Variants in CHODL observed in about 807,000 individuals in gnomAD.
CHODL encodes the protein chondrolectin, also known as transmembrane protein MT75.
Under a neutral mutation model 34.5 loss-of-function variants are expected in CHODL, and 29 were observed. The observed-to-expected ratio is 0.84, with a 90% confidence interval of 0.63 to 1.15. The LOEUF (loss-of-function observed/expected upper bound fraction) is 1.15. Ranked by LOEUF, CHODL falls within the 50% of genes most tolerant of loss-of-function variation. The pLI, the probability that CHODL is intolerant of heterozygous loss-of-function variation, is 0.00. For synonymous variants in CHODL, 125 were observed against 116.1 expected, an observed-to-expected ratio of 1.08 and a Z score of -0.49; for missense variants, 332 against 332.5, an observed-to-expected ratio of 1.00 and a Z score of 0.01.
At chr21:17,996,023 A>G (rs1382456453) in intron 1 of CHODL, among the ~76,000 whole-genome samples, 1 of 151,322 alleles carries the variant, frequency 6.6e-6, no homozygotes, top group Admixed American at 6.6e-5. Flanking sequence ...ATGACTTGCT[A>G]TTTCTTGTAT....
intron 2 of CHODL, among the ~76,000 whole-genome samples, chr21:18,189,824 G>A (rs552308597): frequency 3.3e-5 from 5 of 151,822 alleles, no homozygotes; most frequent in East Asian, 1.9e-4. Context: ...TAGTAGAGAC[G>A]GGGTTTCACT....
intron 2 of CHODL, among the ~76,000 whole-genome samples, chr21:18,036,983 C>T (rs2064319025): frequency 1.3e-5 from 2 of 151,786 alleles, no homozygotes; most frequent in Admixed American, 6.6e-5. Flanking sequence ...ACCTGAAAAC[C>T]AAAACAATTT....
chr21:18,003,060 TGTG>T (rs1481216885), intron 1 of CHODL, among the ~76,000 whole-genome samples: 1 of 146,332 alleles, frequency 6.8e-6, no homozygotes, highest in African/African-American at 2.6e-5. Context: ...GGGGGCGGAG[TGTG>T]CAGTGAGCCG....
intron 2 of CHODL, among the ~76,000 whole-genome samples, chr21:18,157,171 G>T (rs2073044465): frequency 1.3e-5 from 2 of 152,156 alleles, no homozygotes; most frequent in Non-Finnish European, 2.9e-5. Flanking sequence ...CTCTCAGTTG[G>T]AGGAGTGCCA....
intron 1 of CHODL, chr21:18,027,792 A>G (rs537158959): frequency 6.6e-6 from 1 of 152,528 alleles, no homozygotes; most frequent in Non-Finnish European, 1.5e-5. Flanking sequence ...ATGAGAGGAG[A>G]GCCCTCATGA....
chr21:18,135,389 C>T (rs1354586482), intron 2 of CHODL, among the ~76,000 whole-genome samples: 1 of 151,820 alleles, frequency 6.6e-6, no homozygotes, highest in Non-Finnish European at 1.5e-5. Context: ...CAAAATCTTA[C>T]ATGAAACTCA....
At chr21:18,111,554 A>G (rs924814525) in intron 2 of CHODL, among the ~76,000 whole-genome samples, 1 of 152,108 alleles carries the variant, frequency 6.6e-6, no homozygotes, top group Admixed American at 6.5e-5. Context: ...ACCTTTACAC[A>G]ATGACAGGTT....
chr21:18,012,680 A>G lies in CHODL; in HGVS notation c.-144-15192A>G, dbSNP rs73892827. 7.1e-3 allele frequency among the ~76,000 whole-genome samples: 1,086 copies of G among 152,306 alleles called. 12 individuals carry two copies. The highest frequency in any genetic ancestry group is 0.025 in the African/African-American group (1,030 of 41,560). ...TCTCTCTTCTTACAAAATATCTTGC[A>G]TTAAATTTAGTGTTTTCTTCCACCA... On this transcript the variant is annotated intron_variant, in intron 1 of 6. Coordinates refer to the CHODL transcript ENST00000400127.
At chr21:18,248,726 G>GTTA (rs1193188159) in intron 1 of CHODL, among the ~76,000 whole-genome samples, 1 of 114,766 alleles carries the variant, frequency 8.7e-6, no homozygotes, top group African/African-American at 3.8e-5. Flanking sequence ...ACATATATAT[G>GTTA]TATATAATAT....
intron 2 of CHODL, among the ~76,000 whole-genome samples, chr21:18,050,278 AG>A (rs35326558): frequency 0.65 from 99,290 of 151,756 alleles, 34,126 homozygotes; most frequent in African/African-American, 0.84. Context: ...AGATCCTTGA[AG>A]GGGGCATCAG....
intron 1 of CHODL, among the ~76,000 whole-genome samples, chr21:18,013,331 G>A (rs901517646): frequency 2.5e-3 from 1 of 406 alleles, no homozygotes; most frequent in African/African-American, 0.011. Flanking sequence ...ATCTCTAGTT[G>A]TCTGCCCGTG....
chr21:17,990,286 A>T (rs1416187260), intron 1 of CHODL, among the ~76,000 whole-genome samples: 3 of 151,898 alleles, frequency 2.0e-5, no homozygotes, highest in African/African-American at 4.8e-5. Flanking sequence ...TGACTCTCTG[A>T]CTCTGTCTTC....
intron 2 of CHODL, among the ~76,000 whole-genome samples, chr21:18,144,033 C>T (rs890258863): frequency 2.0e-5 from 3 of 152,158 alleles, no homozygotes; most frequent in Non-Finnish European, 4.4e-5. Context: ...TAGTAATTTA[C>T]AGCTACCCAG....
At chr21:18,052,338 C>T (rs1479314877) in intron 2 of CHODL, among the ~76,000 whole-genome samples, 2 of 151,766 alleles carry the variant, frequency 1.3e-5, no homozygotes. Context: ...AAGCTATGAC[C>T]TATACAGGTG....
chr21:18,146,803 A>T (rs930720622), intron 2 of CHODL, among the ~76,000 whole-genome samples: 4 of 152,164 alleles, frequency 2.6e-5, no homozygotes, highest in African/African-American at 9.7e-5. Flanking sequence ...TGTAAAGAAG[A>T]ATATTTTGGC....
At chr21:18,222,660 G>A (rs945248867) in intron 2 of CHODL, among the ~76,000 whole-genome samples, 1 of 152,136 alleles carries the variant, frequency 6.6e-6, no homozygotes, top group Non-Finnish European at 1.5e-5. Context: ...CAGCTGCCTT[G>A]CTTCCCTCAC....
intron 2 of CHODL, among the ~76,000 whole-genome samples, chr21:18,234,491 T>G (rs939589983): frequency 2.6e-5 from 4 of 152,140 alleles, no homozygotes; most frequent in Admixed American, 2.0e-4. Flanking sequence ...ATGCATATTT[T>G]GAGTGTATGT....
rs1601193500 is a variant in CHODL, at chr21:18,245,033, C to A, written c.-191C>A. ...AACTCCAGCCCCGCACATCCACGCG[C>A]GGCACAGGCGCGGCAGGCGGCAGGT... On this transcript the variant is annotated 5_prime_UTR_variant, in exon 1 of 6. Transcript: ENST00000299295. 1 of 488,344 alleles carries A rather than the reference C, an allele frequency of 2.0e-6. No individual in the cohort carries two copies. Among genetic ancestry groups the A allele is most frequent in the Non-Finnish European group, 3.5e-6 (1 of 283,738 alleles). 30.3% of individuals were successfully genotyped at this position (488,344 alleles called of 1,614,324 possible). A position where few individuals can be genotyped will look rare whatever the true frequency, so the allele number is the denominator to read the frequency against.
At chr21:17,978,733 G>GAAAAAAAA (rs34399713) in intron 1 of CHODL, among the ~76,000 whole-genome samples, 1 of 139,654 alleles carries the variant, frequency 7.2e-6, no homozygotes, top group Non-Finnish European at 1.6e-5. Context: ...GAAAAAAAAA[G>GAAAAAAAA]AAAAAAAAAA....
Sources: gnomAD v4.1 joint callset for allele counts (sites outside exome capture counted in the v4.1 genomes callset) on GRCh38, gnomAD v4.1.1 for gene constraint, MANE v1.5 for transcripts, NCBI Gene and HGNC (gene_info 2026-07-23, HGNC 2026-07-21) for gene names.